LRP1B: variants seen among roughly 807,000 people sequenced by gnomAD.
LRP1B encodes LDL receptor related protein 1B.
Under a neutral mutation model 556.6 loss-of-function variants are expected in LRP1B, and 217 were observed. That is an observed-to-expected ratio of 0.39 (90% confidence interval 0.35 to 0.44). LRP1B has a LOEUF of 0.44. Ranked by LOEUF, LRP1B falls within the 20% of genes least tolerant of loss-of-function variation. The probability of loss-of-function intolerance (pLI) is 1.00; values close to 1 mark genes in which losing one functional copy is unlikely to be tolerated. For synonymous variants in LRP1B, 2,047 were observed against 1,865.8 expected (o/e 1.10, Z -2.50); for missense variants, 5,053 against 5,620.8 (o/e 0.90, Z 3.23).
chr2:141,083,595 C>T (rs1699978142), intron 7 of LRP1B, among the ~76,000 whole-genome samples: 2 of 152,074 alleles, frequency 1.3e-5, no homozygotes, highest in African/African-American at 4.8e-5. Flanking sequence ...AAGGTGATGC[C>T]TTTGAGAGGT....
intron 51 of LRP1B, among the ~76,000 whole-genome samples, chr2:140,512,522 C>T (rs2104925583): frequency 6.6e-6 from 1 of 152,206 alleles, no homozygotes; most frequent in Admixed American, 6.5e-5. Flanking sequence ...GAGTCACTAG[C>T]CTATTAATAT....
chr2:141,795,819 T>C (rs1048050857), intron 2 of LRP1B, among the ~76,000 whole-genome samples: 1 of 130,730 alleles, frequency 7.6e-6, no homozygotes, highest in East Asian at 2.3e-4. Flanking sequence ...GTAAATCAAC[T>C]TTTCACTATC....
rs528107858 is a variant in LRP1B, at chr2:141,977,341, G to A, written c.82+153307C>T. On this transcript the variant is annotated intron_variant, in intron 1 of 90. Coordinates refer to ENST00000389484, the MANE Select transcript of LRP1B (RefSeq NM_018557.3). ...AATCCCAGCACTTTGGGAGGCCAAG[G>A]TGGGTGGATCACCTGAGATCAGGAG... Among the ~76,000 whole-genome samples the A allele has an allele frequency of 2.7e-3, 404 of 152,268 alleles. 2 individuals carry two copies. The highest frequency in any genetic ancestry group is 9.0e-3 in the African/African-American group (374 of 41,572).
chr2:141,342,377 T>A (rs1040325571), intron 3 of LRP1B, among the ~76,000 whole-genome samples: 29 of 152,036 alleles, frequency 1.9e-4, no homozygotes, highest in African/African-American at 7.0e-4. Context: ...CTCACAACTT[T>A]GGTTGCAATC....
At chr2:141,774,892 T>C (rs539648275) in intron 2 of LRP1B, among the ~76,000 whole-genome samples, 1 of 152,336 alleles carries the variant, frequency 6.6e-6, no homozygotes, top group African/African-American at 2.4e-5. Context: ...CTCAAGTACA[T>C]TGATTCTCTT....
At chr2:141,505,712 A>G (rs1683903215) in intron 2 of LRP1B, among the ~76,000 whole-genome samples, 1 of 152,078 alleles carries the variant, frequency 6.6e-6, no homozygotes, top group South Asian at 2.1e-4. Flanking sequence ...AGCAAATAAT[A>G]TAGTTTGTAT....
intron 3 of LRP1B, among the ~76,000 whole-genome samples, chr2:141,419,350 C>A (rs1033301581): frequency 6.6e-6 from 1 of 152,080 alleles, no homozygotes; most frequent in Non-Finnish European, 1.5e-5. Flanking sequence ...TGAGAAGGAT[C>A]CATGTTTATT....
At chr2:140,824,758 C>A (rs1244048145) in intron 31 of LRP1B, among the ~76,000 whole-genome samples, 2 of 152,062 alleles carry the variant, frequency 1.3e-5, no homozygotes, top group Non-Finnish European at 1.5e-5. Flanking sequence ...ATCCAGGTCA[C>A]CAAGTACGCA....
At chr2:140,980,734 G>C (rs561261276) in intron 18 of LRP1B, among the ~76,000 whole-genome samples, 2 of 152,194 alleles carry the variant, frequency 1.3e-5, no homozygotes, top group South Asian at 2.1e-4. Context: ...AGCAATCCCA[G>C]TACTGGGTAT....
chr2:141,720,499 T>A (rs1386044022), intron 2 of LRP1B, among the ~76,000 whole-genome samples: 1 of 152,130 alleles, frequency 6.6e-6, no homozygotes, highest in African/African-American at 2.4e-5. Flanking sequence ...TAATCCATCA[T>A]CTTGCACCTT....
chr2:141,227,306 T>C (rs1412347280), intron 6 of LRP1B, among the ~76,000 whole-genome samples: 1 of 152,210 alleles, frequency 6.6e-6, no homozygotes, highest in Admixed American at 6.5e-5. Context: ...TTTTAGCTAT[T>C]TGACTATTCA....
intron 84 of LRP1B, among the ~76,000 whole-genome samples, chr2:140,293,676 G>A (rs78328978): frequency 3.3e-5 from 5 of 151,972 alleles, no homozygotes; most frequent in East Asian, 1.9e-4. Context: ...GAACCTTGTC[G>A]GCTTACATCT....
chr2:141,178,652 T>C (rs1318684052), intron 7 of LRP1B, among the ~76,000 whole-genome samples: 1 of 152,124 alleles, frequency 6.6e-6, no homozygotes, highest in Non-Finnish European at 1.5e-5. Context: ...TGGAAATGCA[T>C]GCTTCCACTT....
chr2:141,131,445 C>T (rs1701354333), intron 7 of LRP1B, among the ~76,000 whole-genome samples: 1 of 67,000 alleles, frequency 1.5e-5, no homozygotes, highest in African/African-American at 7.4e-5. Context: ...TCTTAGAATT[C>T]CCTGTTTTTG....
At chr2:140,702,399 TTAAA>T in intron 38 of LRP1B, 24 bp downstream of exon 38, 3 of 1,612,194 alleles carry the variant, frequency 1.9e-6, no homozygotes, top group East Asian at 2.2e-5. Context: ...TTAAGGCACT[TTAAA>T]TACTGAAAAG....
chr2:141,714,502 A>G (rs1692498237), intron 2 of LRP1B, among the ~76,000 whole-genome samples: 2 of 137,602 alleles, frequency 1.5e-5, no homozygotes, highest in South Asian at 4.5e-4. Context: ...TAGGTTTTGG[A>G]AGTTCATATT....
At chr2:141,742,604 C>T (rs1288220371) in intron 2 of LRP1B, among the ~76,000 whole-genome samples, 2 of 152,042 alleles carry the variant, frequency 1.3e-5, no homozygotes, top group South Asian at 2.1e-4. Flanking sequence ...TATTTTGAGT[C>T]TTTTGTGATT....
At chr2:141,419,433 T>G (rs1680059563) in intron 3 of LRP1B, among the ~76,000 whole-genome samples, 1 of 152,170 alleles carries the variant, frequency 6.6e-6, no homozygotes. Flanking sequence ...TGGCAGATTT[T>G]TTGATTACTG....
At chr2:140,665,706 T>C (rs1427047875) in intron 41 of LRP1B, among the ~76,000 whole-genome samples, 1 of 152,180 alleles carries the variant, frequency 6.6e-6, no homozygotes, top group South Asian at 2.1e-4. Flanking sequence ...ATTTACATGA[T>C]GGCATATTCC....
Sources: allele counts gnomAD v4.1 joint callset (sites outside exome capture counted in the v4.1 genomes callset), GRCh38; gene constraint gnomAD v4.1.1; transcripts MANE v1.5; gene names NCBI Gene and HGNC (gene_info 2026-07-23, HGNC 2026-07-21).